APBA2: variants seen among roughly 807,000 people sequenced by gnomAD.
APBA2 encodes the protein amyloid-beta A4 precursor protein-binding family A member 2.
APBA2 carries 30 observed loss-of-function variants against 75.0 expected under a neutral mutation model. The ratio of observed to expected loss-of-function variants is 0.40; its 90% CI spans 0.30 to 0.54. APBA2 has a LOEUF of 0.54. Ranked by LOEUF, APBA2 falls within the 20% of genes least tolerant of loss-of-function variation. The probability of loss-of-function intolerance (pLI) is 0.49; values close to 1 mark genes in which losing one functional copy is unlikely to be tolerated. For synonymous variants in APBA2, 444 were observed against 409.6 expected (o/e 1.08, Z -1.01); for missense variants, 801 against 1,016.1 (o/e 0.79, Z 2.88).
intron 2 of APBA2, among the ~76,000 whole-genome samples, chr15:28,941,209 G>C (rs2035202836): frequency 6.6e-6 from 1 of 152,188 alleles, no homozygotes; most frequent in Admixed American, 6.5e-5. Flanking sequence ...ATGTATAGAG[G>C]ATGGAACCTC....
At chr15:29,108,500 C>G (rs762702881) in intron 13 of APBA2, 111 bp downstream of exon 13, 1 of 1,560,028 alleles carries the variant, frequency 6.4e-7, no homozygotes, top group Non-Finnish European at 8.7e-7. Context: ...TAGGACCTGG[C>G]CTGTGGTTGC....
At chr15:28,921,025 A>G (rs1452896610) in intron 1 of APBA2, among the ~76,000 whole-genome samples, 1 of 152,028 alleles carries the variant, frequency 6.6e-6, no homozygotes, top group African/African-American at 2.4e-5. Flanking sequence ...GGCTAATCTG[A>G]TGGCTTCTCT....
chr15:29,035,624 T>C (rs2040707692), intron 3 of APBA2, among the ~76,000 whole-genome samples: 1 of 152,204 alleles, frequency 6.6e-6, no homozygotes, highest in Non-Finnish European at 1.5e-5. Context: ...TATTATTGAT[T>C]TCAGCAGGGA....
intron 1 of APBA2, among the ~76,000 whole-genome samples, chr15:28,908,134 G>A (rs1337799982): frequency 3.9e-5 from 6 of 152,142 alleles, no homozygotes; most frequent in Non-Finnish European, 1.5e-5. Flanking sequence ...TGTTTGTGGT[G>A]TAGACAGGCA....
At chr15:28,982,386 A>C (rs1455593535) in intron 2 of APBA2, among the ~76,000 whole-genome samples, 1 of 152,228 alleles carries the variant, frequency 6.6e-6, no homozygotes, top group East Asian at 1.9e-4. Flanking sequence ...ATTTGATGTA[A>C]CTAAGTACCC....
At chr15:28,924,087 A>G (rs1425839605) in intron 2 of APBA2, among the ~76,000 whole-genome samples, 1 of 152,196 alleles carries the variant, frequency 6.6e-6, no homozygotes, top group East Asian at 1.9e-4. Context: ...CTGCTGTGAC[A>G]GTGTCCCACG....
Position 29,046,642 on chromosome 15 carries a change from C to T in APBA2, c.-40-7203C>T, listed in dbSNP as rs527611554. Among the ~76,000 whole-genome samples the T allele has an allele frequency of 1.3e-5, 2 of 152,352 alleles. No homozygotes were observed. Among genetic ancestry groups the T allele is most frequent in the South Asian group, 4.1e-4 (2 of 4,828 alleles). ...AACCACCTGCAGCTCTAGACCTGGCCTTTGGCCCACAACCTTGGAATCTTG... is the reference window on the plus strand; with the variant it reads ...AACCACCTGCAGCTCTAGACCTGGCTTTTGGCCCACAACCTTGGAATCTTG... On this transcript the variant is annotated intron_variant, in intron 3 of 14. Transcript: ENST00000683413. The surrounding 1 kb of genome is among the most constrained non-coding windows in gnomAD (Gnocchi z 5.0).
At chr15:28,998,168 A>G (rs970069514) in intron 3 of APBA2, among the ~76,000 whole-genome samples, 2 of 151,680 alleles carry the variant, frequency 1.3e-5, no homozygotes, top group South Asian at 2.1e-4. Flanking sequence ...CTTACAGGAA[A>G]AGTTTGAGGC....
intron 6 of APBA2, among the ~76,000 whole-genome samples, chr15:29,083,332 G>C (rs550482782): frequency 6.6e-6 from 1 of 152,088 alleles, no homozygotes; most frequent in Non-Finnish European, 1.5e-5. Context: ...CTGTTACAGG[G>C]ACGGTCCATT....
intron 6 of APBA2, among the ~76,000 whole-genome samples, chr15:29,086,499 G>A (rs191445660): frequency 4.5e-4 from 69 of 152,286 alleles, no homozygotes; most frequent in African/African-American, 1.6e-3. Flanking sequence ...AGGTTTATAG[G>A]TTCTAACATT....
intron 3 of APBA2, among the ~76,000 whole-genome samples, chr15:29,052,800 T>C (rs1210372501): frequency 2.0e-5 from 3 of 152,172 alleles, no homozygotes; most frequent in African/African-American, 7.2e-5. Flanking sequence ...AAGGGCCTTC[T>C]TGCTATGTCA....
At chr15:28,999,955 G>C (rs2038755295) in intron 3 of APBA2, among the ~76,000 whole-genome samples, 1 of 152,120 alleles carries the variant, frequency 6.6e-6, no homozygotes, top group Non-Finnish European at 1.5e-5. Flanking sequence ...AGCATGGAGG[G>C]CAGAGAAGAC....
chr15:29,097,855 ACTT>A (rs2043927077), intron 8 of APBA2, among the ~76,000 whole-genome samples: 1 of 152,002 alleles, frequency 6.6e-6, no homozygotes, highest in South Asian at 2.1e-4. Context: ...TCAGCTCTCT[ACTT>A]CTGTGAGATC....
At chr15:29,088,246 C>G (rs934084956) in intron 6 of APBA2, among the ~76,000 whole-genome samples, 8 of 152,174 alleles carry the variant, frequency 5.3e-5, no homozygotes, top group African/African-American at 1.9e-4. Context: ...GAGCAGAGTC[C>G]TGGGGCTTCA....
At chr15:28,937,132 C>T (rs552048632) in intron 2 of APBA2, among the ~76,000 whole-genome samples, 18 of 152,222 alleles carry the variant, frequency 1.2e-4, no homozygotes, top group African/African-American at 4.1e-4. Context: ...GTGGTGGTCT[C>T]GAGGTCATCT....
At chr15:28,967,596 G>T (rs868214926) in intron 2 of APBA2, among the ~76,000 whole-genome samples, 4 of 151,884 alleles carry the variant, frequency 2.6e-5, no homozygotes, top group Non-Finnish European at 5.9e-5. Flanking sequence ...CTGCCACCAC[G>T]CCCGGCTAAT....
intron 1 of APBA2, among the ~76,000 whole-genome samples, chr15:28,914,909 G>T (rs2033594610): frequency 6.6e-6 from 1 of 151,612 alleles, no homozygotes; most frequent in Admixed American, 6.6e-5. Context: ...GTGCACAGGT[G>T]TGCATGTGTG....
chr15:29,104,928 A>T (rs1397229100), intron 10 of APBA2, among the ~76,000 whole-genome samples: 1 of 151,616 alleles, frequency 6.6e-6, no homozygotes, highest in Non-Finnish European at 1.5e-5. Context: ...CTACAAGAAA[A>T]CTTTTTTTAA....
chr15:28,943,749 C>T (rs891915601), intron 2 of APBA2, among the ~76,000 whole-genome samples: 2 of 152,304 alleles, frequency 1.3e-5, no homozygotes, highest in Admixed American at 6.5e-5. Context: ...CCAGCCCTGG[C>T]TCCTCCAGCC....
Sources: gnomAD v4.1 joint callset for allele counts (sites outside exome capture counted in the v4.1 genomes callset) on GRCh38, gnomAD v4.1.1 for gene constraint, Gnocchi (gnomAD v3.1) non-coding constraint, MANE v1.5 for transcripts, NCBI Gene and HGNC (gene_info 2026-07-23, HGNC 2026-07-21) for gene names.